Variants in WDPCP observed in about 807,000 individuals in gnomAD.
WDPCP encodes the protein WD repeat-containing and planar cell polarity effector protein fritz homolog.
A neutral mutation model predicts 93.1 loss-of-function variants in WDPCP; 71 were observed. The observed-to-expected ratio is 0.76, with a 90% CI of 0.63 to 0.93. WDPCP has a LOEUF of 0.93. WDPCP is among the 40% of genes least tolerant of loss of function. The pLI is 0.00. For synonymous variants in WDPCP, 315 were observed against 315.0 expected (o/e 1.00, Z 0.00); for missense variants, 844 against 887.4 (o/e 0.95, Z 0.62).
chr2:63,341,927 G>A (rs906824574), intron 12 of WDPCP, among the ~76,000 whole-genome samples: 1 of 151,944 alleles, frequency 6.6e-6, no homozygotes, highest in African/African-American at 2.4e-5. Flanking sequence ...TGTGTCTTTG[G>A]ATATAAAGTG....
intron 2 of WDPCP, among the ~76,000 whole-genome samples, chr2:63,716,659 G>A (rs1273846707): frequency 6.6e-6 from 1 of 152,138 alleles, no homozygotes; most frequent in Admixed American, 6.5e-5. Flanking sequence ...TGCAGTGTGG[G>A]GCCGACGGGA....
intron 13 of WDPCP, among the ~76,000 whole-genome samples, chr2:63,298,639 A>G (rs1685068994): frequency 6.6e-6 from 1 of 152,124 alleles, no homozygotes; most frequent in Non-Finnish European, 1.5e-5. Flanking sequence ...TCGGGCCTTC[A>G]GCCACAGCTG....
intron 1 of WDPCP, among the ~76,000 whole-genome samples, chr2:63,493,311 G>C (rs1169778694): frequency 6.6e-6 from 1 of 152,110 alleles, no homozygotes; most frequent in Admixed American, 6.5e-5. Flanking sequence ...TCTGTTGGTA[G>C]TTATTAAGTA....
chr2:63,484,685 G>C (rs749002926), intron 5 of WDPCP, 22 bp from the exon 6 acceptor site: 1 of 1,612,686 alleles, frequency 6.2e-7, no homozygotes. Flanking sequence ...CAGAAAAAGA[G>C]AGAGCGTAGT....
At chr2:63,163,716 A>G (rs1672783466) in intron 15 of WDPCP, among the ~76,000 whole-genome samples, 1 of 152,180 alleles carries the variant, frequency 6.6e-6, no homozygotes, top group Non-Finnish European at 1.5e-5. Flanking sequence ...TTTTGAGCCA[A>G]TCTTCATGAA....
intron 10 of WDPCP, among the ~76,000 whole-genome samples, chr2:63,391,050 A>G (rs550188934): frequency 1.4e-3 from 214 of 152,338 alleles, no homozygotes; most frequent in African/African-American, 4.9e-3. Context: ...TGAGGCCAGC[A>G]TCATCCTGAT....
At chr2:63,595,795 T>G (rs1709299567) in intron 3 of WDPCP, among the ~76,000 whole-genome samples, 1 of 152,198 alleles carries the variant, frequency 6.6e-6, no homozygotes, top group South Asian at 2.1e-4. Flanking sequence ...TGCACAAGGG[T>G]TATACACCTG....
intron 1 of WDPCP, among the ~76,000 whole-genome samples, chr2:63,826,311 A>G (rs1206253395): frequency 3.3e-5 from 5 of 152,038 alleles, no homozygotes; most frequent in African/African-American, 1.2e-4. Context: ...AGTACTGTGA[A>G]AAGGCCACTC....
rs555510851 is a variant in WDPCP, at chr2:63,663,796, C to T, written n.309-12958G>A. Reference sequence around the variant, plus strand: ...ATTTAGATAAAAATACTCGATCATGCTATCATGGAAGAACTAGAATGGGAA... The same window carrying T: ...ATTTAGATAAAAATACTCGATCATGTTATCATGGAAGAACTAGAATGGGAA... On this transcript the variant is annotated intron_variant and non_coding_transcript_variant, in intron 2 of 4. Transcript: ENST00000467687. Among the ~76,000 whole-genome samples, 10 of 152,210 alleles carry T rather than the reference C, an allele frequency of 6.6e-5. No homozygotes were observed. In the East Asian group the frequency reaches 9.6e-4, roughly 15 times the overall value.
At chr2:63,831,545 G>A (rs1474339991), upstream of WDPCP, among the ~76,000 whole-genome samples, 2 of 151,996 alleles carry the variant, frequency 1.3e-5, no homozygotes, top group Non-Finnish European at 2.9e-5. Flanking sequence ...TTATATTGAT[G>A]CTAAATGTAT....
intron 2 of WDPCP, among the ~76,000 whole-genome samples, chr2:63,781,115 C>G (rs1049132104): frequency 6.6e-6 from 1 of 152,090 alleles, no homozygotes; most frequent in Non-Finnish European, 1.5e-5. Context: ...AGTGCTATTT[C>G]CCCCCACTCT....
intron 2 of WDPCP, among the ~76,000 whole-genome samples, chr2:63,705,502 T>C (rs2103726768): frequency 6.6e-6 from 1 of 152,304 alleles, no homozygotes; most frequent in Admixed American, 6.5e-5. Context: ...GTTGTGTGTC[T>C]GTTCTCATTG....
At chr2:63,156,112 G>A (rs1045075232) in intron 15 of WDPCP, among the ~76,000 whole-genome samples, 19 of 152,072 alleles carry the variant, frequency 1.2e-4, no homozygotes, top group Non-Finnish European at 2.5e-4. Flanking sequence ...CGATTCTCCT[G>A]CCTCAGCCTC....
At chr2:63,508,494 G>C (rs1350452916) in intron 1 of WDPCP, among the ~76,000 whole-genome samples, 6 of 152,048 alleles carry the variant, frequency 3.9e-5, no homozygotes, top group Non-Finnish European at 7.4e-5. Flanking sequence ...GCAAAATCTA[G>C]AGACCATTGA....
intron 14 of WDPCP, among the ~76,000 whole-genome samples, chr2:63,246,504 T>C (rs1022272031): frequency 3.3e-5 from 5 of 151,974 alleles, no homozygotes; most frequent in Non-Finnish European, 5.9e-5. Context: ...CAATGAAGAG[T>C]AAATATAAAA....
At chr2:63,457,775 CAACA>C (rs1301055944) in intron 6 of WDPCP, among the ~76,000 whole-genome samples, 2 of 152,096 alleles carry the variant, frequency 1.3e-5, no homozygotes, top group African/African-American at 4.8e-5. Context: ...TAAAAACTCT[CAACA>C]AACTAGGCAT....
intron 12 of WDPCP, among the ~76,000 whole-genome samples, chr2:63,322,772 C>G (rs561460065): frequency 6.6e-6 from 1 of 152,122 alleles, no homozygotes; most frequent in African/African-American, 2.4e-5. Context: ...TTTGGCGACC[C>G]AGATGGGACC....
chr2:63,263,919 CTA>C (rs1441976764), intron 13 of WDPCP, among the ~76,000 whole-genome samples: 4 of 152,178 alleles, frequency 2.6e-5, no homozygotes, highest in African/African-American at 7.2e-5. Flanking sequence ...CTGCAAATAA[CTA>C]TGCAATGTTT....
chr2:63,521,896 T>C (rs996888853), intron 1 of WDPCP, among the ~76,000 whole-genome samples: 2 of 152,160 alleles, frequency 1.3e-5, no homozygotes, highest in South Asian at 4.2e-4. Context: ...ACTACACAAT[T>C]GCATGGAAAT....
Sources: allele counts gnomAD v4.1 joint callset (sites outside exome capture counted in the v4.1 genomes callset), GRCh38; gene constraint gnomAD v4.1.1; transcripts MANE v1.5; gene names NCBI Gene and HGNC (gene_info 2026-07-23, HGNC 2026-07-21).